The following INPP5A variants were observed in gnomAD, a reference collection of about 807,000 sequenced individuals.
INPP5A encodes the protein inositol polyphosphate-5-phosphatase A.
In INPP5A, 14 loss-of-function variants were observed where a neutral mutation model predicts 65.2. The ratio of observed to expected loss-of-function variants is 0.21; its 90% CI spans 0.14 to 0.34. The LOEUF is 0.34. Among genes scored for constraint, INPP5A ranks in the 10% least tolerant of loss-of-function variants. The probability of loss-of-function intolerance (pLI) is 1.00; values close to 1 mark genes in which losing one functional copy is unlikely to be tolerated. For missense variants in INPP5A, 431 were observed against 545.6 expected (o/e 0.79, Z 2.09); for synonymous variants, 207 against 208.3 (o/e 0.99, Z 0.05).
intron 1 of INPP5A, among the ~76,000 whole-genome samples, chr10:132,592,146 A>C (rs552562070): frequency 3.5e-4 from 54 of 152,214 alleles, no homozygotes; most frequent in Non-Finnish European, 6.8e-4. Context: ...AAATTATTGA[A>C]TAAAATACAG....
intron 1 of INPP5A, among the ~76,000 whole-genome samples, chr10:132,539,179 C>G (rs1039504719): frequency 6.6e-6 from 1 of 152,210 alleles, no homozygotes; most frequent in Admixed American, 6.5e-5. Context: ...GGCCCCTGTC[C>G]TCTGAGCCTA....
intron 9 of INPP5A, among the ~76,000 whole-genome samples, chr10:132,744,292 C>T (rs1441432299): frequency 2.0e-5 from 3 of 152,240 alleles, no homozygotes. Flanking sequence ...TGGCCTGGTC[C>T]TGGGGCCAGC....
At chr10:132,737,539 G>T (rs1230573154) in intron 9 of INPP5A, among the ~76,000 whole-genome samples, 1 of 152,220 alleles carries the variant, frequency 6.6e-6, no homozygotes, top group Non-Finnish European at 1.5e-5. Context: ...ACCCAGTGGG[G>T]CACTGCCCTC....
intron 9 of INPP5A, among the ~76,000 whole-genome samples, chr10:132,733,961 G>A (rs1256033691): frequency 6.6e-6 from 1 of 152,202 alleles, no homozygotes; most frequent in Non-Finnish European, 1.5e-5. Flanking sequence ...CCGGACCTGC[G>A]AGTCTCCTGG....
chr10:132,720,232 C>A (rs1845841254), intron 8 of INPP5A, among the ~76,000 whole-genome samples: 4 of 150,138 alleles, frequency 2.7e-5, no homozygotes, highest in African/African-American at 9.8e-5. Flanking sequence ...TGTCTGGGCA[C>A]CTTAGACGGC....
intron 5 of INPP5A, among the ~76,000 whole-genome samples, chr10:132,691,934 C>T (rs1449789763): frequency 6.6e-6 from 1 of 151,738 alleles, no homozygotes; most frequent in Admixed American, 6.6e-5. Flanking sequence ...GGTGTGCGGT[C>T]GCGGGAGGCG....
At position 132,698,237 on chromosome 10, in the gene INPP5A, C is replaced by T. The variant is rs1270904575; in HGVS notation, c.474+318C>T. Among the ~76,000 whole-genome samples, 2 of 152,224 alleles carry T rather than the reference C, an allele frequency of 1.3e-5. No homozygotes were observed. Among genetic ancestry groups the T allele is most frequent in the Non-Finnish European group, 2.9e-5 (2 of 68,054 alleles). On this transcript the variant is annotated intron_variant, in intron 6 of 15. Transcript: ENST00000368594. This position sits in a 1 kb window ranked among gnomAD's most constrained non-coding sequence, Gnocchi z 5.5. ...TGGCGTGCACCTGGGGTCTCCCGCA[C>T]GCCCAGCTGGGAGAGGGTCAGGCTG...
intron 11 of INPP5A, among the ~76,000 whole-genome samples, chr10:132,759,795 G>A (rs1034058527): frequency 4.6e-5 from 7 of 152,104 alleles, no homozygotes; most frequent in African/African-American, 1.2e-4. Flanking sequence ...GCCAGCCCAT[G>A]GAGGTAGCCC....
At chr10:132,564,635 A>C (rs531195015) in intron 1 of INPP5A, among the ~76,000 whole-genome samples, 2 of 152,338 alleles carry the variant, frequency 1.3e-5, no homozygotes, top group South Asian at 2.1e-4. Flanking sequence ...TAACTGGATG[A>C]AAATTTACTA....
At chr10:132,577,581 T>C (rs1409306546) in intron 1 of INPP5A, among the ~76,000 whole-genome samples, 1 of 151,812 alleles carries the variant, frequency 6.6e-6, no homozygotes, top group Admixed American at 6.6e-5. Flanking sequence ...CCCCATGGGG[T>C]CAGGTGGAAA....
intron 11 of INPP5A, among the ~76,000 whole-genome samples, chr10:132,751,212 G>A (rs913144791): frequency 2.6e-5 from 4 of 152,198 alleles, no homozygotes; most frequent in Non-Finnish European, 4.4e-5. Context: ...CTCCCGTGAC[G>A]CCCACACCTC....
At chr10:132,560,218 G>A (rs1210429697) in intron 1 of INPP5A, among the ~76,000 whole-genome samples, 1 of 133,794 alleles carries the variant, frequency 7.5e-6, no homozygotes, top group African/African-American at 2.8e-5. Flanking sequence ...GTCTGCAGCT[G>A]TCTCGGGTGT....
intron 4 of INPP5A, among the ~76,000 whole-genome samples, chr10:132,667,455 T>A (rs960406849): frequency 1.3e-5 from 2 of 152,196 alleles, no homozygotes; most frequent in Admixed American, 1.3e-4. Flanking sequence ...ATTTATCAAA[T>A]TGCGTTATCC....
Position 132,753,359 on chromosome 10 carries a change from C to T in INPP5A, c.903+3514C>T, listed in dbSNP as rs1168735388. Among the ~76,000 whole-genome samples, 1 of 152,158 alleles carries T rather than the reference C, an allele frequency of 6.6e-6. No individual in the cohort carries two copies. Among genetic ancestry groups the T allele is most frequent in the Non-Finnish European group, 1.5e-5 (1 of 68,030 alleles). On this transcript the variant is annotated intron_variant, in intron 11 of 15. Coordinates refer to ENST00000368594, the MANE Select transcript of INPP5A (RefSeq NM_005539.5). The surrounding 1 kb of genome is among the most constrained non-coding windows in gnomAD (Gnocchi z 5.3). ...GTCCGCAGGATGGATGTGCCTGCGC[C>T]GGTCGCAGCCCCAAGTCCATTGCAT... is the stretch of plus-strand genomic sequence containing the variant.
chr10:132,770,948 T>A (rs1252015824), intron 12 of INPP5A, among the ~76,000 whole-genome samples: 1 of 152,138 alleles, frequency 6.6e-6, no homozygotes, highest in Non-Finnish European at 1.5e-5. Context: ...CTGGGAGGAA[T>A]ACGTTTTCCA....
intron 4 of INPP5A, among the ~76,000 whole-genome samples, chr10:132,662,431 G>A (rs533621005): frequency 1.7e-4 from 26 of 152,356 alleles, no homozygotes; most frequent in Admixed American, 5.9e-4. Context: ...GGGACAGTCT[G>A]TGTACACCGT....
chr10:132,678,451 G>A lies in INPP5A; in HGVS notation c.307-11941G>A, dbSNP rs544862090. ...TGTCTTGGGACTTGCCTTTGTGATAGGGTTAAATGTGTGACTTTTGCAAGT... is the reference window on the plus strand; with the variant it reads ...TGTCTTGGGACTTGCCTTTGTGATAAGGTTAAATGTGTGACTTTTGCAAGT... On this transcript the variant is annotated intron_variant, in intron 4 of 15. Transcript: ENST00000368594. The surrounding 1 kb of genome is among the most constrained non-coding windows in gnomAD (Gnocchi z 4.1). 2.0e-4 allele frequency among the ~76,000 whole-genome samples: 31 copies of A among 152,284 alleles called. No individual in the cohort carries two copies. Among genetic ancestry groups the A allele is most frequent in the South Asian group, 4.2e-4 (2 of 4,818 alleles).
intron 4 of INPP5A, among the ~76,000 whole-genome samples, chr10:132,672,211 A>C (rs904344253): frequency 6.6e-6 from 1 of 152,164 alleles, no homozygotes; most frequent in Non-Finnish European, 1.5e-5. Context: ...TTCCTTTATC[A>C]TGTGACATAA....
chr10:132,574,996 C>G (rs939566629), intron 1 of INPP5A, among the ~76,000 whole-genome samples: 1 of 152,118 alleles, frequency 6.6e-6, no homozygotes, highest in Non-Finnish European at 1.5e-5. Flanking sequence ...GCCCACCTGA[C>G]GATAGAAACG....
Sources: allele counts gnomAD v4.1 joint callset (sites outside exome capture counted in the v4.1 genomes callset), GRCh38; gene constraint gnomAD v4.1.1; non-coding constraint Gnocchi (gnomAD v3.1); transcripts MANE v1.5; gene names NCBI Gene and HGNC (gene_info 2026-07-23, HGNC 2026-07-21).